POU2F2: variants seen among roughly 807,000 people sequenced by gnomAD.
POU2F2 encodes POU domain, class 2, transcription factor 2.
Under a neutral mutation model 63.5 loss-of-function variants are expected in POU2F2, and 14 were observed. That is an observed-to-expected ratio of 0.22 (90% CI 0.15 to 0.34). The LOEUF (loss-of-function observed/expected upper bound fraction) is 0.34. Ranked by LOEUF, POU2F2 falls within the 10% of genes least tolerant of loss-of-function variation. The probability of loss-of-function intolerance (pLI) is 1.00; values close to 1 mark genes in which losing one functional copy is unlikely to be tolerated. For synonymous variants in POU2F2, 306 were observed against 348.6 expected (o/e 0.88, Z 1.36); for missense variants, 607 against 815.2 (o/e 0.74, Z 3.11).
intron 5 of POU2F2, among the ~76,000 whole-genome samples, chr19:42,116,048 T>C (rs2031811396): frequency 6.6e-6 from 1 of 152,210 alleles, no homozygotes; most frequent in African/African-American, 2.4e-5. Context: ...CCTGGGAGGC[T>C]TCAGAGAGAG....
At chr19:42,104,455 TA>T (rs1311676755) in intron 5 of POU2F2, among the ~76,000 whole-genome samples, 2 of 151,860 alleles carry the variant, frequency 1.3e-5, no homozygotes, top group Non-Finnish European at 2.9e-5. Context: ...GAGTAGAAGG[TA>T]GCTGAGCATG....
chr19:42,134,140 G>A (rs545576595), upstream of POU2F2, among the ~76,000 whole-genome samples: 2 of 148,154 alleles, frequency 1.3e-5, no homozygotes, highest in East Asian at 2.0e-4. Flanking sequence ...GTCTCAAAGC[G>A]ACATTTACGC....
chr19:42,165,309 C>T (rs995028121), intron 1 of POU2F2, among the ~76,000 whole-genome samples: 7 of 152,184 alleles, frequency 4.6e-5, no homozygotes, highest in Non-Finnish European at 8.8e-5. Context: ...ATAGAGTGGG[C>T]GGGGTAGTAC....
At chr19:42,168,395 T>A (rs1257723272) in intron 1 of POU2F2, among the ~76,000 whole-genome samples, 1 of 152,216 alleles carries the variant, frequency 6.6e-6, no homozygotes, top group Non-Finnish European at 1.5e-5. Flanking sequence ...TAAAGTCTCC[T>A]CTCAGTCCTC....
At chr19:42,103,526 C>T (rs1030010770) in intron 5 of POU2F2, among the ~76,000 whole-genome samples, 1 of 151,712 alleles carries the variant, frequency 6.6e-6, no homozygotes, top group Non-Finnish European at 1.5e-5. Context: ...ACATGCCCCT[C>T]AATTCTTCCC....
In POU2F2 at chr19:42,095,183, T is replaced by C; in HGVS notation, c.1197+103A>G. ...GGCCTGTCTCCAAGAGTGACTCTTC[T>C]TGTCTCTGTTCTAGGCTCTGTGGAC... On this transcript the variant is annotated intron_variant, in intron 11 of 14. Transcript: ENST00000692977. The surrounding 1 kb of genome is among the most constrained non-coding windows in gnomAD (Gnocchi z 7.1). 7.4e-7 allele frequency: 1 copy of C among 1,360,100 alleles called. No individual in the cohort carries two copies. Among genetic ancestry groups the C allele is most frequent in the Non-Finnish European group, 9.8e-7 (1 of 1,019,782 alleles). 84.3% of individuals were successfully genotyped at this position (1,360,100 alleles called of 1,614,324 possible).
chr19:42,126,636 A>C (rs151188279), intron 1 of POU2F2, among the ~76,000 whole-genome samples: 13 of 152,252 alleles, frequency 8.5e-5, no homozygotes, highest in Non-Finnish European at 1.6e-4. Context: ...CTCTTATTTC[A>C]GCCACCTAGT....
intron 1 of POU2F2, among the ~76,000 whole-genome samples, chr19:42,165,541 A>G (rs1160024126): frequency 6.6e-6 from 1 of 152,194 alleles, no homozygotes; most frequent in Non-Finnish European, 1.5e-5. Context: ...TGCAAGAACA[A>G]GTGTGCATGC....
chr19:42,091,122 T>G lies in POU2F2; in HGVS notation c.*135A>C, dbSNP rs2076697230. 2 of 726,508 alleles carry G rather than the reference T, an allele frequency of 2.8e-6. No individual in the cohort carries two copies. The highest frequency in any genetic ancestry group is 1.8e-5 in the African/African-American group (1 of 54,962). 45.0% of individuals were successfully genotyped at this position (726,508 alleles called of 1,614,324 possible). A position where few individuals can be genotyped will look rare whatever the true frequency, so the allele number is the denominator to read the frequency against. ...TTTTTTTTTTTTTTTGGTTGGTTGT[T>G]TTTTTGGTCTTTCCTCCCTTGTCAC... On this transcript the variant is annotated 3_prime_UTR_variant, in exon 15 of 15. Transcript: ENST00000692977.
At chr19:42,105,179 T>C (rs530935783) in intron 5 of POU2F2, among the ~76,000 whole-genome samples, 1 of 152,276 alleles carries the variant, frequency 6.6e-6, no homozygotes, top group South Asian at 2.1e-4. Context: ...GTTTCAAACA[T>C]TGTCTTTTTC....
At chr19:42,119,117 C>A (rs950482085) in intron 4 of POU2F2, among the ~76,000 whole-genome samples, 2 of 148,994 alleles carry the variant, frequency 1.3e-5, no homozygotes, top group Non-Finnish European at 3.0e-5. Context: ...AGCAAGACAC[C>A]GTCTCTTAAA....
chr19:42,094,719 G>T (rs1362485835), intron 11 of POU2F2, among the ~76,000 whole-genome samples: 1 of 152,216 alleles, frequency 6.6e-6, no homozygotes, highest in Non-Finnish European at 1.5e-5. Flanking sequence ...TTGCCTTCTT[G>T]TGGCTGGCTA....
At chr19:42,105,840 A>G (rs1214391285) in intron 5 of POU2F2, among the ~76,000 whole-genome samples, 3 of 151,794 alleles carry the variant, frequency 2.0e-5, no homozygotes, top group Non-Finnish European at 4.4e-5. Flanking sequence ...TCTACCCCAG[A>G]CCATCCATTC....
chr19:42,178,224 T>A (rs1024248855), upstream of POU2F2, among the ~76,000 whole-genome samples: 11 of 149,584 alleles, frequency 7.4e-5, no homozygotes, highest in African/African-American at 2.7e-4. Context: ...GACAAAGAGA[T>A]AAGGAGAAGA....
chr19:42,188,701 G>A (rs2035041677), intron 1 of POU2F2, among the ~76,000 whole-genome samples: 1 of 118,578 alleles, frequency 8.4e-6, no homozygotes, highest in East Asian at 2.8e-4. Context: ...GAAAGTGAAA[G>A]AAAGACAGAG....
intron 1 of POU2F2, among the ~76,000 whole-genome samples, chr19:42,128,183 C>T (rs971733279): frequency 1.3e-5 from 2 of 152,044 alleles, no homozygotes; most frequent in African/African-American, 4.8e-5. Flanking sequence ...GGAGTCATTG[C>T]TGCACAGGCC....
chr19:42,092,354 TC>T lies in POU2F2; in HGVS notation c.1265-85del. ...ACCTGGGGTCAGCTCCTACTTGTCC[TC>T]CCGCCCAGCTCACGCAGCATCTCCT... On this transcript the variant is annotated intron_variant, in intron 12 of 14. Coordinates refer to ENST00000692977, the MANE Select transcript of POU2F2 (RefSeq NM_001394376.1). This position sits in a 1 kb window ranked among gnomAD's most constrained non-coding sequence, Gnocchi z 5.0. 1 of 1,054,528 alleles carries T rather than the reference TC, an allele frequency of 9.5e-7. No homozygotes were observed. Among genetic ancestry groups the T allele is most frequent in the Non-Finnish European group, 1.4e-6 (1 of 696,574 alleles). The allele number at this position is 1,054,528 out of a possible 1,614,324, so 65.3% of individuals were successfully genotyped here. A position where few individuals can be genotyped will look rare whatever the true frequency, so the allele number is the denominator to read the frequency against.
Position 42,169,642 on chromosome 19 carries a change from G to A in POU2F2, c.-70+6321C>T, listed in dbSNP as rs2034718418. 6.6e-6 allele frequency among the ~76,000 whole-genome samples: 1 copy of A among 152,124 alleles called. No homozygotes were observed. The highest frequency in any genetic ancestry group is 2.1e-4 in the South Asian group (1 of 4,826). ...CAGAATCTGTGTATGTCTCTTGCAG[G>A]ATCATTGCATGTGTCTGCATGCTTA... On this transcript the variant is annotated intron_variant, in intron 1 of 6. Transcript: ENST00000524801. The surrounding 1 kb of genome is among the most constrained non-coding windows in gnomAD (Gnocchi z 4.3).
chr19:42,097,869 G>A (rs2076981161), intron 7 of POU2F2, among the ~76,000 whole-genome samples: 1 of 152,202 alleles, frequency 6.6e-6, no homozygotes, highest in African/African-American at 2.4e-5. Context: ...GTATTGTGTA[G>A]TGATGAAGCG....
Sources: allele counts gnomAD v4.1 joint callset (sites outside exome capture counted in the v4.1 genomes callset), GRCh38; gene constraint gnomAD v4.1.1; non-coding constraint Gnocchi (gnomAD v3.1); transcripts MANE v1.5; gene names NCBI Gene and HGNC (gene_info 2026-07-23, HGNC 2026-07-21).